TERB1: variants seen among roughly 807,000 people sequenced by gnomAD.
TERB1 encodes the protein telomere repeats-binding bouquet formation protein 1.
In TERB1, 63 loss-of-function variants were observed where a neutral mutation model predicts 92.3. The observed-to-expected ratio is 0.68, with a 90% confidence interval of 0.56 to 0.84. The LOEUF (loss-of-function observed/expected upper bound fraction) is 0.84. Ranked by LOEUF, TERB1 falls within the 40% of genes least tolerant of loss-of-function variation. TERB1 has a pLI of 0.00. For synonymous variants in TERB1, 252 were observed against 283.9 expected (o/e 0.89, Z 1.13); for missense variants, 709 against 843.7 (o/e 0.84, Z 1.98).
intron 13 of TERB1, among the ~76,000 whole-genome samples, 175 bp downstream of exon 13, chr16:66,772,414 G>A (rs1483787951): frequency 2.0e-5 from 3 of 152,154 alleles, no homozygotes; most frequent in South Asian, 2.1e-4. Context: ...CTTGGGAGGC[G>A]GAGGTTGCAG....
At chr16:66,764,613 C>T (rs1407101466) in intron 16 of TERB1, among the ~76,000 whole-genome samples, 1 of 152,154 alleles carries the variant, frequency 6.6e-6, no homozygotes, top group Non-Finnish European at 1.5e-5. Context: ...GAGACAAAGA[C>T]TGCTAGAAAA....
rs80141541 is a variant in TERB1, at chr16:66,788,591, C to CAA, written c.272-296_272-295dup. Among the ~76,000 whole-genome samples the CAA allele has an allele frequency of 2.6e-4, 31 of 117,882 alleles. No homozygotes were observed. The South Asian group carries it at 4.2e-3, about 16-fold the overall frequency. The allele number at this position is 117,882 out of a possible 152,430, so 77.3% of individuals were successfully genotyped here. Reference sequence around the variant, plus strand: ...GAATAAAAAATTAAATAAAATTTAGCAAAAAAAAAAAACACTTTAAAGGAT... The same window carrying CAA: ...GAATAAAAAATTAAATAAAATTTAGCAAAAAAAAAAAAAACACTTTAAAGGAT... On this transcript the variant is annotated intron_variant, in intron 5 of 18. Coordinates refer to ENST00000433154, the MANE Select transcript of TERB1 (RefSeq NM_001136505.2).
At chr16:66,768,530 T>G (rs1013014413) in intron 14 of TERB1, among the ~76,000 whole-genome samples, 5 of 152,100 alleles carry the variant, frequency 3.3e-5, no homozygotes, top group African/African-American at 1.2e-4. Context: ...CAACAATCAT[T>G]TAAAGACCTG....
intron 14 of TERB1, among the ~76,000 whole-genome samples, chr16:66,768,684 G>A (rs919616422): frequency 3.9e-5 from 6 of 152,168 alleles, no homozygotes; most frequent in Admixed American, 3.9e-4. Context: ...TCAGATAGCA[G>A]GCATAGCAGT....
intron 13 of TERB1, among the ~76,000 whole-genome samples, chr16:66,770,568 T>A (rs8051923): frequency 0.51 from 76,929 of 151,850 alleles, 20,361 homozygotes; most frequent in African/African-American, 0.64. Context: ...TGAACCAAAT[T>A]TTTAAATATA....
At chr16:66,758,341 C>A (rs1243723647) in intron 18 of TERB1, 1 of 167,340 alleles carries the variant, frequency 6.0e-6, no homozygotes, top group East Asian at 1.9e-4. Flanking sequence ...GTCTGACCCT[C>A]ATCAGAGGCA....
intron 13 of TERB1, among the ~76,000 whole-genome samples, chr16:66,772,045 A>C (rs565733411): frequency 7.4e-6 from 1 of 134,672 alleles, no homozygotes; most frequent in Non-Finnish European, 1.7e-5. Context: ...CATCATTTCT[A>C]CTTTTTAAAA....
intron 9 of TERB1, among the ~76,000 whole-genome samples, chr16:66,785,153 C>T (rs1410227720): frequency 1.3e-5 from 2 of 151,410 alleles, no homozygotes; most frequent in Non-Finnish European, 2.9e-5. Flanking sequence ...CCAAGTAGCT[C>T]GGATTATAGG....
chr16:66,765,081 A>T (rs1310621885), intron 16 of TERB1, among the ~76,000 whole-genome samples: 1 of 152,214 alleles, frequency 6.6e-6, no homozygotes, highest in Non-Finnish European at 1.5e-5. Flanking sequence ...AGGAAGAGAG[A>T]GATAAAGGTG....
chr16:66,786,288 TA>T lies in TERB1; in HGVS notation c.401-4del. The T allele has an allele frequency of 1.9e-6, 3 of 1,539,730 alleles. No individual in the cohort carries two copies. The highest frequency in any genetic ancestry group is 1.2e-5 in the South Asian group (1 of 81,490). ...TCTCACAAGTGTTTGTCCGGTCCCTTAAAAAAATAGCCATATAAAAATATGA... is the reference window on the plus strand; with the variant it reads ...TCTCACAAGTGTTTGTCCGGTCCCTTAAAAAATAGCCATATAAAAATATGA... On this transcript the variant is annotated splice_polypyrimidine_tract_variant and splice_region_variant and intron_variant, in intron 6 of 18. Coordinates refer to ENST00000433154, the MANE Select transcript of TERB1 (RefSeq NM_001136505.2).
At chr16:66,788,635 A>AG (rs2018768525) in intron 5 of TERB1, among the ~76,000 whole-genome samples, 1 of 152,126 alleles carries the variant, frequency 6.6e-6, no homozygotes, top group Non-Finnish European at 1.5e-5. Flanking sequence ...AAACATAGCA[A>AG]GAAAAACAAT....
intron 3 of TERB1, among the ~76,000 whole-genome samples, chr16:66,794,648 C>T (rs200764493): frequency 1.3e-5 from 2 of 152,106 alleles, no homozygotes; most frequent in East Asian, 1.9e-4. Context: ...CAGTGGCTCA[C>T]GCCTGTAATC....
intron 18 of TERB1, among the ~76,000 whole-genome samples, chr16:66,756,197 T>C (rs1029097054): frequency 3.3e-5 from 5 of 152,358 alleles, no homozygotes; most frequent in South Asian, 2.1e-4. Context: ...GAGGCTGTTA[T>C]TTACTTTCGT....
chr16:66,763,669 C>T (rs997141204), intron 16 of TERB1, among the ~76,000 whole-genome samples: 6 of 152,096 alleles, frequency 3.9e-5, no homozygotes, highest in African/African-American at 1.4e-4. Flanking sequence ...CAGCAAACCA[C>T]CATGGCACAT....
chr16:66,754,990 A>G lies in TERB1; in HGVS notation c.2170T>C (p.Cys724Arg). ...TCTTCTTTCAATCAAGAAGCTGCAC[A>G]CGTGGGGTGTTTGGTCAGCTTGTGG... ...KYHKLTKHPT[C>R]AAS The change falls in exon 19 of 19, where the codon TGT (cysteine) becomes CGT (arginine). Residue 724 changes from cysteine to arginine, a missense_variant. Cys to Arg is a radical substitution (Grantham distance 180). Transcript: ENST00000433154. 6.4e-7 allele frequency: 1 copy of G among 1,550,644 alleles called. No homozygotes were observed. The highest frequency in any genetic ancestry group is 8.7e-7 in the Non-Finnish European group (1 of 1,146,788).
chr16:66,764,058 T>G (rs2018297362), intron 16 of TERB1, among the ~76,000 whole-genome samples: 1 of 148,514 alleles, frequency 6.7e-6, no homozygotes, highest in Admixed American at 6.8e-5. Context: ...AAGAAAAGTC[T>G]TGAAAGCCAT....
intron 14 of TERB1, among the ~76,000 whole-genome samples, chr16:66,768,506 T>C (rs962461026): frequency 6.6e-6 from 1 of 152,198 alleles, no homozygotes; most frequent in Admixed American, 6.5e-5. Context: ...GGGTGCAGGA[T>C]GGCAAAGTGC....
At chr16:66,792,908 C>T (rs113346809) in intron 3 of TERB1, among the ~76,000 whole-genome samples, 2,205 of 151,926 alleles carry the variant, frequency 0.015, 51 homozygotes, top group South Asian at 0.095. Context: ...GGTGCATCAG[C>T]GAGTGAGTGG....
chr16:66,782,480 G>A (rs995198434), intron 9 of TERB1, among the ~76,000 whole-genome samples: 8 of 151,652 alleles, frequency 5.3e-5, no homozygotes, highest in Non-Finnish European at 8.8e-5. Flanking sequence ...AGCCTGGGAG[G>A]TGGAGGTTGT....
Sources: allele counts gnomAD v4.1 joint callset (sites outside exome capture counted in the v4.1 genomes callset), GRCh38; gene constraint gnomAD v4.1.1; transcripts MANE v1.5; gene names NCBI Gene and HGNC (gene_info 2026-07-23, HGNC 2026-07-21).